PDSS2: variants seen among roughly 807,000 people sequenced by gnomAD.
PDSS2 encodes decaprenyl diphosphate synthase subunit 2.
In PDSS2, 31 loss-of-function variants were observed where a neutral mutation model predicts 44.5. The ratio of observed to expected loss-of-function variants is 0.70; its 90% confidence interval spans 0.52 to 0.94. The LOEUF is 0.94. Ranked by LOEUF, PDSS2 falls within the 40% of genes least tolerant of loss-of-function variation. The pLI, the probability that PDSS2 is intolerant of heterozygous loss-of-function variation, is 0.00. For missense variants in PDSS2, 452 were observed against 482.2 expected, an observed-to-expected ratio of 0.94 and a Z score of 0.59; for synonymous variants, 157 against 180.3, an observed-to-expected ratio of 0.87 and a Z score of 1.03.
At chr6:107,279,218 CAAAATAAAAATA>C (rs770192251) in intron 2 of PDSS2, among the ~76,000 whole-genome samples, 1 of 151,864 alleles carries the variant, frequency 6.6e-6, no homozygotes, top group East Asian at 1.9e-4. Flanking sequence ...AACTCTGTCT[CAAAATAAAAATA>C]AAAATAAAAA....
chr6:107,338,632 C>A (rs1192969001), intron 1 of PDSS2, among the ~76,000 whole-genome samples: 1 of 152,108 alleles, frequency 6.6e-6, no homozygotes, highest in Non-Finnish European at 1.5e-5. Flanking sequence ...AAAGAGACTT[C>A]CGTGAGATCT....
chr6:107,448,387 A>G (rs1781758239), intron 1 of PDSS2, among the ~76,000 whole-genome samples: 3 of 152,118 alleles, frequency 2.0e-5, no homozygotes, highest in Admixed American at 2.0e-4. Context: ...AGATACCCTA[A>G]ATCATCTCTC....
intron 1 of PDSS2, among the ~76,000 whole-genome samples, chr6:107,386,505 G>A (rs1363423653): frequency 6.6e-6 from 1 of 152,022 alleles, no homozygotes; most frequent in Non-Finnish European, 1.5e-5. Flanking sequence ...GACATTATTT[G>A]GTAATTATTC....
intron 2 of PDSS2, among the ~76,000 whole-genome samples, chr6:107,298,587 T>A (rs1386666005): frequency 6.6e-6 from 1 of 152,224 alleles, no homozygotes; most frequent in African/African-American, 2.4e-5. Context: ...TATACCTATA[T>A]ACATAGTGTA....
At position 107,233,150 on chromosome 6, in the gene PDSS2, T is replaced by C. The variant is rs77642402; in HGVS notation, c.702+12398A>G. Among the ~76,000 whole-genome samples the C allele has an allele frequency of 5.8e-3, 891 of 152,318 alleles. 9 individuals are homozygous for C. The highest frequency in any genetic ancestry group is 0.021 in the African/African-American group (855 of 41,576). On this transcript the variant is annotated intron_variant, in intron 4 of 7. Transcript: ENST00000369037. ...TCTATTGATTCATTTCTACTGTATCTTCTAAGGACTCAGCTTTAAAATTAC... is the reference window on the plus strand; with the variant it reads ...TCTATTGATTCATTTCTACTGTATCCTCTAAGGACTCAGCTTTAAAATTAC...
intron 4 of PDSS2, among the ~76,000 whole-genome samples, chr6:107,240,080 A>G (rs533399062): frequency 6.6e-6 from 1 of 152,240 alleles, no homozygotes; most frequent in East Asian, 1.9e-4. Context: ...TAATATATAA[A>G]ACAGCTTAAC....
intron 2 of PDSS2, among the ~76,000 whole-genome samples, chr6:107,291,598 T>A (rs1254642784): frequency 6.7e-6 from 1 of 149,750 alleles, no homozygotes; most frequent in Non-Finnish European, 1.5e-5. Flanking sequence ...ACTCCTAGCC[T>A]CAAGTGATCC....
intron 1 of PDSS2, among the ~76,000 whole-genome samples, chr6:107,388,559 C>G (rs1043715981): frequency 6.6e-6 from 1 of 152,030 alleles, no homozygotes; most frequent in South Asian, 2.1e-4. Flanking sequence ...CGCCATTCTC[C>G]TGCCTCAGCC....
intron 1 of PDSS2, among the ~76,000 whole-genome samples, chr6:107,437,525 CAAAAAAAA>C (rs60133518): frequency 9.5e-5 from 12 of 126,732 alleles, no homozygotes; most frequent in South Asian, 3.1e-4. Flanking sequence ...ACCCTGTCTC[CAAAAAAAA>C]AAAAAAAAAA....
At chr6:107,211,734 CAAAAAAA>C (rs772288348) in intron 5 of PDSS2, among the ~76,000 whole-genome samples, 1 of 76,972 alleles carries the variant, frequency 1.3e-5, no homozygotes, top group African/African-American at 4.0e-5. Context: ...GACTCCATCT[CAAAAAAA>C]AAAAAAAAAA....
intron 4 of PDSS2, among the ~76,000 whole-genome samples, chr6:107,233,841 A>T (rs1016476040): frequency 2.6e-5 from 4 of 151,962 alleles, no homozygotes; most frequent in African/African-American, 9.7e-5. Flanking sequence ...TGTAAAAAAA[A>T]AAATAAAGAC....
chr6:107,260,311 T>C (rs552441303), intron 3 of PDSS2, among the ~76,000 whole-genome samples: 3 of 152,336 alleles, frequency 2.0e-5, no homozygotes, highest in Admixed American at 2.0e-4. Flanking sequence ...GCTAAGACCC[T>C]ATAAACCAAC....
chr6:107,291,553 G>GA (rs1416427814), intron 2 of PDSS2, among the ~76,000 whole-genome samples: 3 of 150,118 alleles, frequency 2.0e-5, no homozygotes, highest in Admixed American at 6.6e-5. Flanking sequence ...AGTAGAGACG[G>GA]GGGGGTCTCA....
chr6:107,291,493 G>A (rs1013161813), intron 2 of PDSS2, among the ~76,000 whole-genome samples: 4 of 148,920 alleles, frequency 2.7e-5, no homozygotes, highest in African/African-American at 7.4e-5. Context: ...GATTACAGGT[G>A]CGCGCCACCA....
Position 107,154,665 on chromosome 6 carries a change from C to A in PDSS2, c.1154G>T (p.Arg385Ile), listed in dbSNP as rs147723975. The part of the protein sequence containing the change: ...ALESFPPSEA[R>I]SALENIVFAV... Reference sequence around the variant, plus strand: ...AAACACAATGTTTTCTAAAGCAGATCTGGCCTCCGAGGGAGGAAAGCTCTC... The same window carrying A: ...AAACACAATGTTTTCTAAAGCAGATATGGCCTCCGAGGGAGGAAAGCTCTC... Residue 385 changes from arginine (R) to isoleucine (I), a missense_variant, in exon 8 of 8, where the codon AGA becomes ATA. Physicochemically the swap from Arg to Ile is moderately conservative, Grantham distance 97. Transcript: ENST00000369037. 1.2e-6 allele frequency: 2 copies of A among 1,614,084 alleles called. No individual in the cohort carries two copies. The highest frequency in any genetic ancestry group is 1.7e-5 in the Admixed American group (1 of 60,004).
intron 3 of PDSS2, among the ~76,000 whole-genome samples, chr6:107,264,034 A>G (rs2114897561): frequency 6.6e-6 from 1 of 152,358 alleles, no homozygotes; most frequent in Admixed American, 6.5e-5. Flanking sequence ...TAATTTCCAC[A>G]AGTAAAATAG....
intron 3 of PDSS2, among the ~76,000 whole-genome samples, chr6:107,252,586 T>C (rs74500162): frequency 0.05 from 7,581 of 152,254 alleles, 290 homozygotes; most frequent in Non-Finnish European, 0.079. Context: ...ACTGGTAACA[T>C]TTGTCAAAAA....
At chr6:107,443,062 G>C (rs1196905812) in intron 1 of PDSS2, among the ~76,000 whole-genome samples, 1 of 152,194 alleles carries the variant, frequency 6.6e-6, no homozygotes, top group African/African-American at 2.4e-5. Flanking sequence ...GAGGGGAAGG[G>C]AGAGGAGGGA....
chr6:107,176,082 C>T (rs1771775325), intron 7 of PDSS2, among the ~76,000 whole-genome samples: 1 of 151,984 alleles, frequency 6.6e-6, no homozygotes, highest in South Asian at 2.1e-4. Flanking sequence ...CATTCTGTCT[C>T]CCAGGCTGGA....
Sources: allele counts gnomAD v4.1 joint callset (sites outside exome capture counted in the v4.1 genomes callset), GRCh38; gene constraint gnomAD v4.1.1; transcripts MANE v1.5; gene names NCBI Gene and HGNC (gene_info 2026-07-23, HGNC 2026-07-21).